CNTNAP4: variants seen among roughly 807,000 people sequenced by gnomAD.
CNTNAP4 encodes the protein contactin associated protein family member 4.
Under a neutral mutation model 148.4 loss-of-function variants are expected in CNTNAP4, and 98 were observed. The ratio of observed to expected loss-of-function variants is 0.66; its 90% CI spans 0.56 to 0.78. The LOEUF (loss-of-function observed/expected upper bound fraction) is 0.78, where lower values mean the gene tolerates loss of function less well. CNTNAP4 is among the 30% of genes least tolerant of loss of function. The pLI, the probability that CNTNAP4 is intolerant of heterozygous loss-of-function variation, is 0.00. For synonymous variants in CNTNAP4, 730 were observed against 565.1 expected (o/e 1.29, Z -4.14); for missense variants, 1,935 against 1,565.6 (o/e 1.24, Z -3.98).
At chr16:76,376,439 T>C (rs2015420037) in intron 3 of CNTNAP4, among the ~76,000 whole-genome samples, 1 of 152,198 alleles carries the variant, frequency 6.6e-6, no homozygotes, top group African/African-American at 2.4e-5. Flanking sequence ...AAGAGACATG[T>C]CTTCTTATTA....
chr16:76,530,219 T>A (rs1427143807), intron 17 of CNTNAP4, among the ~76,000 whole-genome samples: 1 of 152,188 alleles, frequency 6.6e-6, no homozygotes, highest in Non-Finnish European at 1.5e-5. Flanking sequence ...TTTATTTTTT[T>A]AATTTCGGTT....
intron 12 of CNTNAP4, among the ~76,000 whole-genome samples, chr16:76,481,990 C>T (rs1297725790): frequency 1.4e-5 from 2 of 142,972 alleles, no homozygotes; most frequent in South Asian, 2.2e-4. Flanking sequence ...TGAGAAGACA[C>T]TGAGGAGTTT....
intron 16 of CNTNAP4, among the ~76,000 whole-genome samples, chr16:76,521,590 C>G (rs2083454909): frequency 6.6e-6 from 1 of 152,060 alleles, no homozygotes; most frequent in Admixed American, 6.6e-5. Context: ...TAGTTAATTA[C>G]AAATTACTTA....
intron 3 of CNTNAP4, among the ~76,000 whole-genome samples, chr16:76,420,632 A>G (rs2079155769): frequency 6.6e-6 from 1 of 151,862 alleles, no homozygotes; most frequent in Non-Finnish European, 1.5e-5. Flanking sequence ...TAGAACTAAA[A>G]TTTTGTCCCT....
At chr16:76,436,264 C>T (rs1282805623) in intron 4 of CNTNAP4, among the ~76,000 whole-genome samples, 1 of 152,116 alleles carries the variant, frequency 6.6e-6, no homozygotes, top group Admixed American at 6.6e-5. Context: ...GATGGGAAAG[C>T]TGTTTCTTCT....
At chr16:76,297,836 C>T (rs1959473463) in intron 1 of CNTNAP4, among the ~76,000 whole-genome samples, 1 of 152,124 alleles carries the variant, frequency 6.6e-6, no homozygotes, top group Non-Finnish European at 1.5e-5. Flanking sequence ...CTGTTAAAAA[C>T]TTTTATTTTT....
chr16:76,534,021 T>G (rs2144231081), intron 17 of CNTNAP4, among the ~76,000 whole-genome samples: 1 of 152,296 alleles, frequency 6.6e-6, no homozygotes, highest in South Asian at 2.1e-4. Flanking sequence ...TTCTTAGAGG[T>G]TCCTTTTCAT....
intron 3 of CNTNAP4, among the ~76,000 whole-genome samples, chr16:76,394,916 CTT>C (rs1179006736): frequency 1.3e-5 from 2 of 152,146 alleles, no homozygotes; most frequent in Non-Finnish European, 2.9e-5. Flanking sequence ...GTCCTGTTTA[CTT>C]AGGGCTCTGT....
intron 7 of CNTNAP4, among the ~76,000 whole-genome samples, chr16:76,451,858 T>C (rs761328811): frequency 2.5e-4 from 38 of 152,138 alleles, no homozygotes; most frequent in Non-Finnish European, 4.6e-4. Flanking sequence ...TTATAGTATA[T>C]TTCAAAATAG....
At chr16:76,366,839 C>G (rs1413258520) in intron 3 of CNTNAP4, among the ~76,000 whole-genome samples, 2 of 151,996 alleles carry the variant, frequency 1.3e-5, no homozygotes, top group African/African-American at 2.4e-5. Flanking sequence ...TAGAATATTA[C>G]TAAAGGACAT....
intron 15 of CNTNAP4, among the ~76,000 whole-genome samples, chr16:76,502,426 A>G (rs143420770): frequency 1.3e-5 from 2 of 151,850 alleles, no homozygotes; most frequent in African/African-American, 4.8e-5. Flanking sequence ...TATAGGACTA[A>G]CAGATAGAGG....
At chr16:76,315,476 G>T (rs1190062531) in intron 1 of CNTNAP4, among the ~76,000 whole-genome samples, 1 of 152,208 alleles carries the variant, frequency 6.6e-6, no homozygotes, top group Non-Finnish European at 1.5e-5. Context: ...CAATGTGTCA[G>T]AGTTTCTCTT....
intron 12 of CNTNAP4, among the ~76,000 whole-genome samples, chr16:76,489,316 G>T (rs933697707): frequency 3.3e-5 from 5 of 151,848 alleles, no homozygotes; most frequent in African/African-American, 1.2e-4. Context: ...TTCCTTTCTT[G>T]CAGAGAAATA....
chr16:76,296,986 T>C (rs1597110536), intron 1 of CNTNAP4, among the ~76,000 whole-genome samples: 1 of 152,162 alleles, frequency 6.6e-6, no homozygotes, highest in African/African-American at 2.4e-5. Context: ...CCTGGACATA[T>C]CCAGCCATGA....
chr16:76,317,082 A>C (rs923566165), intron 2 of CNTNAP4, among the ~76,000 whole-genome samples: 1 of 149,986 alleles, frequency 6.7e-6, no homozygotes, highest in African/African-American at 2.5e-5. Flanking sequence ...CCTGGGCAAC[A>C]CAGCAAGACC....
At chr16:76,328,939 T>A (rs1158431121) in intron 2 of CNTNAP4, among the ~76,000 whole-genome samples, 1 of 152,206 alleles carries the variant, frequency 6.6e-6, no homozygotes, top group Non-Finnish European at 1.5e-5. Context: ...GCCTGGCACC[T>A]GTAAGGTATT....
rs367908885 is a variant in CNTNAP4 at position 76,355,487 on chromosome 16, A to C, written c.366A>C (p.Gln122His). Residue 122 changes from glutamine (Q) to histidine (H), a missense_variant, in exon 3 of 24, where the codon CAA becomes CAC. Coordinates refer to ENST00000611870, the MANE Select transcript of CNTNAP4 (RefSeq NM_033401.5). ...GTGATAGTGGCTGGAACTGGAAACA[A>C]TATCGCCAAGAGGACAGCATCTGGG... ...MFSDSGWNWK[Q>H]YRQEDSIWGF... 1.2e-5 allele frequency: 19 copies of C among 1,609,532 alleles called. No homozygotes were observed. Among genetic ancestry groups the C allele is most frequent in the Non-Finnish European group, 1.6e-5 (19 of 1,178,146 alleles).
intron 10 of CNTNAP4, among the ~76,000 whole-genome samples, chr16:76,474,518 G>A (rs1212103772): frequency 2.0e-5 from 3 of 152,084 alleles, no homozygotes; most frequent in Non-Finnish European, 4.4e-5. Context: ...AATTTTATAA[G>A]CAAAACGGGA....
chr16:76,320,232 A>G (rs28480106), intron 2 of CNTNAP4, among the ~76,000 whole-genome samples: 48,256 of 151,868 alleles, frequency 0.32, 8,046 homozygotes, highest in Non-Finnish European at 0.35. Context: ...ATGCTGGGTA[A>G]AGATTAGATC....
Sources: gnomAD v4.1 joint callset for allele counts (sites outside exome capture counted in the v4.1 genomes callset) on GRCh38, gnomAD v4.1.1 for gene constraint, MANE v1.5 for transcripts, NCBI Gene and HGNC (gene_info 2026-07-23, HGNC 2026-07-21) for gene names.